KCNMB4: variants seen among roughly 807,000 people sequenced by gnomAD.
The protein encoded by KCNMB4 is calcium-activated potassium channel subunit beta-4.
KCNMB4 carries 3 observed loss-of-function variants against 20.7 expected under a neutral mutation model. The ratio of observed to expected loss-of-function variants is 0.14; its 90% CI spans 0.07 to 0.37. KCNMB4 has a LOEUF of 0.37. Among genes scored for constraint, KCNMB4 ranks in the 10% least tolerant of loss-of-function variants. The pLI, the probability that KCNMB4 is intolerant of heterozygous loss-of-function variation, is 1.00. For missense variants in KCNMB4, 168 were observed against 265.9 expected (o/e 0.63, Z 2.56); for synonymous variants, 110 against 113.4 (o/e 0.97, Z 0.19).
At chr12:70,385,726 T>G (rs1267536419) in intron 1 of KCNMB4, among the ~76,000 whole-genome samples, 3 of 152,196 alleles carry the variant, frequency 2.0e-5, no homozygotes, top group African/African-American at 7.2e-5. Flanking sequence ...AAAAGTTAAA[T>G]GAACTTCAAG....
At chr12:70,391,943 T>C (rs963960365) in intron 1 of KCNMB4, among the ~76,000 whole-genome samples, 9 of 152,232 alleles carry the variant, frequency 5.9e-5, no homozygotes, top group African/African-American at 1.9e-4. Flanking sequence ...TGTATATTAA[T>C]GCAGCTCTCT....
chr12:70,392,074 G>A (rs903396647), intron 1 of KCNMB4, among the ~76,000 whole-genome samples: 1 of 152,126 alleles, frequency 6.6e-6, no homozygotes, highest in Non-Finnish European at 1.5e-5. Flanking sequence ...AATGATGGTT[G>A]TAATATTTCA....
intron 2 of KCNMB4, among the ~76,000 whole-genome samples, chr12:70,415,634 A>AT (rs1464192501): frequency 6.6e-6 from 1 of 152,172 alleles, no homozygotes; most frequent in African/African-American, 2.4e-5. Context: ...TTCTTTCCCC[A>AT]TTTTTTCACC....
chr12:70,428,493 T>C (rs1031340163), intron 2 of KCNMB4, among the ~76,000 whole-genome samples: 1 of 151,800 alleles, frequency 6.6e-6, no homozygotes, highest in Non-Finnish European at 1.5e-5. Flanking sequence ...TAGGGAGAGG[T>C]TTTTGACAGC....
chr12:70,378,445 C>A (rs1883726187), intron 1 of KCNMB4, among the ~76,000 whole-genome samples: 1 of 152,198 alleles, frequency 6.6e-6, no homozygotes, highest in South Asian at 2.1e-4. Context: ...ATTGTTGAAT[C>A]CCTTCCAGAA....
chr12:70,378,984 C>T (rs145207928), intron 1 of KCNMB4, among the ~76,000 whole-genome samples: 1 of 152,216 alleles, frequency 6.6e-6, no homozygotes, highest in African/African-American at 2.4e-5. Flanking sequence ...ATGAGGTACA[C>T]TGTCAGTTAG....
intron 1 of KCNMB4, among the ~76,000 whole-genome samples, chr12:70,375,837 G>A (rs969543528): frequency 2.2e-4 from 34 of 152,202 alleles, no homozygotes; most frequent in African/African-American, 7.9e-4. Context: ...GATTTTGTTT[G>A]CTAATATTTT....
At chr12:70,368,599 T>A (rs1236352037) in intron 1 of KCNMB4, among the ~76,000 whole-genome samples, 2 of 152,132 alleles carry the variant, frequency 1.3e-5, no homozygotes, top group Non-Finnish European at 2.9e-5. Context: ...ATTTTTTTTT[T>A]TAGAATTAAA....
intron 2 of KCNMB4, among the ~76,000 whole-genome samples, chr12:70,407,460 C>CTTTTTTTTTTTTT (rs35371839): frequency 3.1e-5 from 2 of 64,184 alleles, no homozygotes; most frequent in Non-Finnish European, 5.3e-5. Context: ...GTGCTGAATT[C>CTTTTTTTTTTTTT]TTTTTTTTTT....
intron 1 of KCNMB4, among the ~76,000 whole-genome samples, chr12:70,383,057 G>T (rs1433371): frequency 6.6e-6 from 1 of 151,968 alleles, no homozygotes; most frequent in Non-Finnish European, 1.5e-5. Flanking sequence ...CATAGAAAAG[G>T]TACAGTAAAA....
chr12:70,400,849 T>A (rs1240082523), intron 2 of KCNMB4, among the ~76,000 whole-genome samples: 6 of 152,196 alleles, frequency 3.9e-5, no homozygotes, highest in Admixed American at 2.0e-4. Flanking sequence ...GTATTCACAA[T>A]TCCTTGCTGT....
chr12:70,378,487 G>A (rs757217825), intron 1 of KCNMB4, among the ~76,000 whole-genome samples: 16 of 152,124 alleles, frequency 1.1e-4, no homozygotes, highest in Admixed American at 8.5e-4. Context: ...AGATCCATCA[G>A]AGGAATCACT....
At position 70,378,251 on chromosome 12, in the gene KCNMB4, C is replaced by T. The variant is rs555882447; in HGVS notation, c.336+11181C>T. ...GATTACAAGCATGAGCCACCGCGCC[C>T]GGCCTTCAAGCTCTACTTCTAATTC... On this transcript the variant is annotated intron_variant, in intron 1 of 2. Transcript: ENST00000258111. 3.3e-5 allele frequency among the ~76,000 whole-genome samples: 5 copies of T among 152,056 alleles called. No homozygotes were observed. In the South Asian group the frequency reaches 8.3e-4, roughly 25 times the overall value.
chr12:70,380,874 A>G (rs926490443), intron 1 of KCNMB4, among the ~76,000 whole-genome samples: 1 of 152,252 alleles, frequency 6.6e-6, no homozygotes, highest in Admixed American at 6.5e-5. Context: ...CTAAAAGCAC[A>G]AGCAACTAAA....
intron 1 of KCNMB4, among the ~76,000 whole-genome samples, chr12:70,368,899 G>C (rs761131792): frequency 4.6e-5 from 7 of 152,056 alleles, no homozygotes; most frequent in Non-Finnish European, 1.0e-4. Flanking sequence ...TGAAATCATT[G>C]GGACGTTGAT....
intron 1 of KCNMB4, among the ~76,000 whole-genome samples, chr12:70,380,289 C>T (rs1483941597): frequency 6.6e-6 from 1 of 152,144 alleles, no homozygotes; most frequent in African/African-American, 2.4e-5. Flanking sequence ...TTAACTTTGT[C>T]CTCATATGGG....
At chr12:70,400,928 A>G (rs1868432859) in intron 2 of KCNMB4, among the ~76,000 whole-genome samples, 1 of 152,188 alleles carries the variant, frequency 6.6e-6, no homozygotes, top group Non-Finnish European at 1.5e-5. Context: ...TGTCTTAGAA[A>G]ATGGCATGAC....
rs1194120163 is a variant in KCNMB4, at chr12:70,366,602, C to T, written c.-133C>T. 1 of 517,842 alleles carries T rather than the reference C, an allele frequency of 1.9e-6. No homozygotes were observed. The allele number at this position is 517,842 out of a possible 1,614,324, so 32.1% of individuals were successfully genotyped here. On this transcript the variant is annotated 5_prime_UTR_variant, in exon 1 of 3. Coordinates refer to ENST00000258111, the MANE Select transcript of KCNMB4 (RefSeq NM_014505.6). Reference sequence around the variant, plus strand: ...CCCTTTGTTCTCGCGCGCTCCCCCTCGCCGCCCACTCCCCTGCTGTCGCGC... The same window carrying T: ...CCCTTTGTTCTCGCGCGCTCCCCCTTGCCGCCCACTCCCCTGCTGTCGCGC...
At chr12:70,386,450 A>G (rs957360332) in intron 1 of KCNMB4, among the ~76,000 whole-genome samples, 3 of 152,154 alleles carry the variant, frequency 2.0e-5, no homozygotes, top group African/African-American at 4.8e-5. Flanking sequence ...TTAAACATCA[A>G]TGAGAAAATG....
Sources: allele counts gnomAD v4.1 joint callset (sites outside exome capture counted in the v4.1 genomes callset), GRCh38; gene constraint gnomAD v4.1.1; transcripts MANE v1.5; gene names NCBI Gene and HGNC (gene_info 2026-07-23, HGNC 2026-07-21).